Variants in PDE10A observed in about 807,000 individuals in gnomAD.
PDE10A encodes cAMP and cAMP-inhibited cGMP 3',5'-cyclic phosphodiesterase 10A.
In PDE10A, 39 loss-of-function variants were observed where a neutral mutation model predicts 97.7. The ratio of observed to expected loss-of-function variants is 0.40; its 90% confidence interval spans 0.31 to 0.52. The LOEUF (loss-of-function observed/expected upper bound fraction) is 0.52. Ranked by LOEUF, PDE10A falls within the 20% of genes least tolerant of loss-of-function variation. PDE10A has a pLI of 0.56. For missense variants in PDE10A, 731 were observed against 1,047.8 expected (o/e 0.70, Z 4.17); for synonymous variants, 371 against 376.8 (o/e 0.98, Z 0.18).
At chr6:165,734,853 C>T (rs1265659147) in intron 1 of PDE10A, among the ~76,000 whole-genome samples, 1 of 152,084 alleles carries the variant, frequency 6.6e-6, no homozygotes, top group Non-Finnish European at 1.5e-5. Context: ...AAGATAAGAA[C>T]GCTTAAATTG....
chr6:165,819,435 G>A lies in PDE10A; in HGVS notation c.-615+168094C>T, dbSNP rs906164905. On this transcript the variant is annotated intron_variant, in intron 1 of 19. Transcript: ENST00000366882. This position sits in a 1 kb window ranked among gnomAD's most constrained non-coding sequence, Gnocchi z 4.2. The stretch of plus-strand genomic sequence containing the variant: ...TGCACTGTTCCATTTCATGCAATCC[G>A]TCCTCCAGACGGCCGCTGGCACCAC... 1.3e-5 allele frequency among the ~76,000 whole-genome samples: 2 copies of A among 151,998 alleles called. No individual in the cohort carries two copies. The highest frequency in any genetic ancestry group is 6.6e-5 in the Admixed American group (1 of 15,258).
intron 1 of PDE10A, chr6:165,780,894 T>A (rs1447911909): frequency 2.0e-5 from 3 of 152,282 alleles, no homozygotes; most frequent in Admixed American, 2.0e-4. Flanking sequence ...CCCAGGCTGG[T>A]GCTATGGTGT....
intron 2 of PDE10A, among the ~76,000 whole-genome samples, chr6:165,541,625 T>C (rs1369740225): frequency 6.6e-6 from 1 of 152,224 alleles, no homozygotes; most frequent in African/African-American, 2.4e-5. Context: ...TTTGCATCTT[T>C]TTTTATCAAG....
chr6:165,561,514 T>A (rs1784522178), intron 1 of PDE10A, among the ~76,000 whole-genome samples: 1 of 152,058 alleles, frequency 6.6e-6, no homozygotes, highest in African/African-American at 2.4e-5. Context: ...AAATACACCA[T>A]CAGAAAAGGG....
chr6:165,602,330 C>T (rs138657872), intron 1 of PDE10A, among the ~76,000 whole-genome samples: 2,089 of 152,280 alleles, frequency 0.014, 35 homozygotes, highest in Non-Finnish European at 0.017. Flanking sequence ...CCCTAGGAGG[C>T]AGCTACCAGC....
intron 1 of PDE10A, among the ~76,000 whole-genome samples, chr6:165,869,231 C>T (rs2457988): frequency 0.78 from 118,085 of 151,950 alleles, 46,232 homozygotes; most frequent in East Asian, 0.96. Flanking sequence ...TTAGAACTGA[C>T]ATATTCGGTA....
At chr6:165,726,228 T>C (rs1049108632) in intron 1 of PDE10A, among the ~76,000 whole-genome samples, 8 of 152,102 alleles carry the variant, frequency 5.3e-5, no homozygotes, top group African/African-American at 1.9e-4. Context: ...GTCCCAGCTC[T>C]TGGAGGAAAC....
chr6:165,517,534 G>A (rs1412439854), intron 2 of PDE10A, among the ~76,000 whole-genome samples: 3 of 152,064 alleles, frequency 2.0e-5, no homozygotes, highest in Non-Finnish European at 2.9e-5. Flanking sequence ...AAAGTAATCC[G>A]ATAAATTGTG....
intron 1 of PDE10A, among the ~76,000 whole-genome samples, chr6:165,622,433 T>A (rs1173094320): frequency 6.6e-6 from 1 of 152,230 alleles, no homozygotes; most frequent in Non-Finnish European, 1.5e-5. Flanking sequence ...GGCTTTATGC[T>A]ATAGACTACT....
At chr6:165,979,816 T>C (rs1404371228) in intron 1 of PDE10A, among the ~76,000 whole-genome samples, 1 of 152,262 alleles carries the variant, frequency 6.6e-6, no homozygotes, top group Non-Finnish European at 1.5e-5. Flanking sequence ...GTTACCATTG[T>C]GGTTATGAGA....
At chr6:165,724,218 T>A (rs1582995806) in intron 1 of PDE10A, among the ~76,000 whole-genome samples, 1 of 152,156 alleles carries the variant, frequency 6.6e-6, no homozygotes, top group East Asian at 1.9e-4. Context: ...GAATCACAGA[T>A]GATAGATTTG....
chr6:165,881,861 C>A (rs1201615198), intron 1 of PDE10A, among the ~76,000 whole-genome samples: 1 of 152,146 alleles, frequency 6.6e-6, no homozygotes, highest in Non-Finnish European at 1.5e-5. Context: ...ATTTTTTTCT[C>A]TTACTGTGGC....
chr6:165,858,309 G>A (rs1426100373), intron 1 of PDE10A, among the ~76,000 whole-genome samples: 3 of 152,214 alleles, frequency 2.0e-5, no homozygotes, highest in Admixed American at 6.5e-5. Flanking sequence ...TCTGTCCCTT[G>A]TGCTGTTTTG....
chr6:165,797,046 A>ACT (rs1778849187), intron 1 of PDE10A, among the ~76,000 whole-genome samples: 1 of 152,216 alleles, frequency 6.6e-6, no homozygotes, highest in Non-Finnish European at 1.5e-5. Context: ...CTTACCAATA[A>ACT]TTGTACCCAA....
rs1785454378 is a variant in PDE10A at position 165,388,475 on chromosome 6, A to C, written c.2455-22T>G. 5 of 1,611,614 alleles carry C rather than the reference A, an allele frequency of 3.1e-6. No homozygotes were observed. The highest frequency in any genetic ancestry group is 4.2e-6 in the Non-Finnish European group (5 of 1,178,398). Reference sequence around the variant, plus strand: ...TGCGCTTTAAAAAATAATATGATGCAGAGATGCTCAAAACACAGAAACACA... The same window carrying C: ...TGCGCTTTAAAAAATAATATGATGCCGAGATGCTCAAAACACAGAAACACA... On this transcript the variant is annotated intron_variant, in intron 16 of 21. Coordinates refer to ENST00000539869, the MANE Select transcript of PDE10A (RefSeq NM_001385079.1). This position sits in a 1 kb window ranked among gnomAD's most constrained non-coding sequence, Gnocchi z 4.0.
intron 1 of PDE10A, among the ~76,000 whole-genome samples, chr6:165,728,424 G>T (rs996807061): frequency 6.6e-6 from 1 of 152,164 alleles, no homozygotes; most frequent in African/African-American, 2.4e-5. Flanking sequence ...TCAAAGACTG[G>T]CTTTCCTGCT....
rs34189554 is a variant in PDE10A, at chr6:165,691,099, T to TCTC, written c.-614-147532_-614-147531insGAG. On this transcript the variant is annotated intron_variant, in intron 1 of 19. Coordinates refer to the PDE10A transcript ENST00000366882. ...TTTCTCTCTCTCTCTCTCTCTCTCT[T>TCTC]TCTCTCTCCCCCCCCCCATCAGTGC... Among the ~76,000 whole-genome samples, 110 of 53,258 alleles carry TCTC rather than the reference T, an allele frequency of 2.1e-3. 11 individuals are homozygous for TCTC. Among genetic ancestry groups the TCTC allele is most frequent in the East Asian group, 9.1e-3 (14 of 1,534 alleles). The allele number at this position is 53,258 out of a possible 152,430, so 34.9% of individuals were successfully genotyped here.
intron 5 of PDE10A, among the ~76,000 whole-genome samples, chr6:165,437,075 A>G (rs1421050070): frequency 2.6e-5 from 4 of 152,182 alleles, no homozygotes; most frequent in African/African-American, 7.2e-5. Flanking sequence ...AATTGAACTG[A>G]GTGGTTTAGA....
chr6:165,753,185 T>C (rs6906340), intron 1 of PDE10A, among the ~76,000 whole-genome samples: 1,999 of 152,342 alleles, frequency 0.013, 37 homozygotes, highest in African/African-American at 0.042. Context: ...ACTACTCAGA[T>C]TGTAGGTAAC....
Sources: allele counts gnomAD v4.1 joint callset (sites outside exome capture counted in the v4.1 genomes callset), GRCh38; gene constraint gnomAD v4.1.1; non-coding constraint Gnocchi (gnomAD v3.1); transcripts MANE v1.5; gene names NCBI Gene and HGNC (gene_info 2026-07-23, HGNC 2026-07-21).